Variants in CDH3 observed in about 807,000 individuals in gnomAD.
CDH3 encodes the protein cadherin-3.
In CDH3, 54 loss-of-function variants were observed where a neutral mutation model predicts 82.0. That is an observed-to-expected ratio of 0.66 (90% CI 0.53 to 0.83). The LOEUF (loss-of-function observed/expected upper bound fraction) is 0.83. Ranked by LOEUF, CDH3 falls within the 40% of genes least tolerant of loss-of-function variation. The probability of loss-of-function intolerance (pLI) is 0.00; values close to 1 mark genes in which losing one functional copy is unlikely to be tolerated. For missense variants in CDH3, 1,054 were observed against 1,084.6 expected (o/e 0.97, Z 0.40); for synonymous variants, 446 against 437.9 (o/e 1.02, Z -0.23).
intron 11 of CDH3, 133 bp downstream of exon 11, chr16:68,685,483 C>A: frequency 1.1e-6 from 1 of 917,374 alleles, no homozygotes; most frequent in Non-Finnish European, 1.7e-6. Context: ...TCCAGACGGT[C>A]AAAGGGGTCT....
intron 1 of CDH3, among the ~76,000 whole-genome samples, chr16:68,716,887 AT>A (rs1157497529): frequency 2.1e-5 from 3 of 144,840 alleles, no homozygotes; most frequent in Admixed American, 7.0e-5. Flanking sequence ...CCATGCCCAG[AT>A]TTTTTTCTTT....
At position 68,684,734 on chromosome 16, in the gene CDH3, A is replaced by C; in HGVS notation, c.1334A>C (p.Lys445Thr). The change falls in exon 10 of 16, where the codon AAA becomes ACA. Residue 445 changes from lysine (K) to threonine (T), a missense_variant. Physicochemically the swap from Lys to Thr is moderately conservative, Grantham distance 78. Transcript: ENST00000264012. The part of the protein sequence containing the change: ...NEAPVFVPPS[K>T]VVEVQEGIPT... ...GCACCTGTGTTTGTCCCACCCTCCA[A>C]AGTCGTTGAGGTCCAGGAGGGCATC... is the stretch of plus-strand genomic sequence containing the variant. 6.2e-7 allele frequency: 1 copy of C among 1,614,058 alleles called. No individual in the cohort carries two copies. The highest frequency in any genetic ancestry group is 8.5e-7 in the Non-Finnish European group (1 of 1,180,000).
chr16:68,730,001 G>A (rs28844617), downstream of CDH3, among the ~76,000 whole-genome samples: 11 of 152,090 alleles, frequency 7.2e-5, no homozygotes, highest in Non-Finnish European at 1.2e-4. Flanking sequence ...TTGGGAGGCC[G>A]AGGCGGGTGG....
At chr16:68,696,072 T>A in intron 15 of CDH3, 149 bp downstream of exon 15, 1 of 815,874 alleles carries the variant, frequency 1.2e-6, no homozygotes, top group Non-Finnish European at 2.0e-6. Context: ...CTTATTTGAG[T>A]AACTTCTGGG....
rs553007493 is a variant in CDH3 at position 68,721,530 on chromosome 16, G to A, written c.100-895G>A. Among the ~76,000 whole-genome samples the A allele has an allele frequency of 2.6e-5, 4 of 152,112 alleles. No homozygotes were observed. In the East Asian group the frequency reaches 7.7e-4, roughly 29 times the overall value. On this transcript the variant is annotated intron_variant, in intron 1 of 2. Coordinates refer to the CDH3 transcript ENST00000569080. Reference sequence around the variant, plus strand: ...ATTAAAGGCATGAGCCACCGCACCCGGCCACAGTTCAGTCTTTTAACTGCG... The same window carrying A: ...ATTAAAGGCATGAGCCACCGCACCCAGCCACAGTTCAGTCTTTTAACTGCG...
intron 2 of CDH3, among the ~76,000 whole-genome samples, chr16:68,648,126 C>T (rs1246227534): frequency 6.6e-6 from 1 of 152,166 alleles, no homozygotes; most frequent in Non-Finnish European, 1.5e-5. Flanking sequence ...GAATTTTGAA[C>T]TTCAGAAACC....
downstream of CDH3, among the ~76,000 whole-genome samples, chr16:68,732,204 C>T (rs1962300247): frequency 6.6e-6 from 1 of 152,084 alleles, no homozygotes; most frequent in Admixed American, 6.5e-5. Flanking sequence ...AGGAAGGGAG[C>T]CTCCTCTACC....
intron 2 of CDH3, among the ~76,000 whole-genome samples, chr16:68,668,769 G>C (rs1419102661): frequency 6.6e-6 from 1 of 152,180 alleles, no homozygotes; most frequent in African/African-American, 2.4e-5. Flanking sequence ...CCCACTTTGA[G>C]AGAGAATTTT....
chr16:68,676,435 G>A lies in CDH3; in HGVS notation c.211G>A (p.Asp71Asn). 1 of 1,614,016 alleles carries A rather than the reference G, an allele frequency of 6.2e-7. No homozygotes were observed. The highest frequency in any genetic ancestry group is 8.5e-7 in the Non-Finnish European group (1 of 1,179,882). ...QEPALFSTDN[D>N]DFTVRNGETV... ...GCCAGCTCTGTTTAGCACTGATAAT[G>A]ATGACTTCACTGTGCGGAATGGCGA... is the stretch of plus-strand genomic sequence containing the variant. The change falls in exon 3 of 16, where the codon GAT (aspartate) becomes AAT (asparagine). Residue 71 changes from aspartate to asparagine, a missense_variant. Asp to Asn is a conservative substitution (Grantham distance 23, BLOSUM62 1). Transcript: ENST00000264012.
intron 11 of CDH3, chr16:68,686,384 A>G (rs532966671): frequency 8.0e-6 from 10 of 1,256,826 alleles, no homozygotes; most frequent in East Asian, 6.9e-5. Flanking sequence ...GAGTCATGGC[A>G]GGACAAGCAT....
chr16:68,690,393 G>A (rs1268582399), intron 12 of CDH3, among the ~76,000 whole-genome samples: 3 of 151,824 alleles, frequency 2.0e-5, no homozygotes, highest in Admixed American at 2.0e-4. Flanking sequence ...GCCGAGGTGG[G>A]GCAGATCACC....
intron 2 of CDH3, among the ~76,000 whole-genome samples, chr16:68,649,988 C>G (rs1437399756): frequency 6.6e-6 from 1 of 151,852 alleles, no homozygotes; most frequent in Non-Finnish European, 1.5e-5. Flanking sequence ...AAGCCAAGAT[C>G]ACGCCACTGT....
At chr16:68,682,149 G>T (rs552975581) in intron 8 of CDH3, among the ~76,000 whole-genome samples, 153 bp from the exon 9 acceptor site, 3 of 152,142 alleles carry the variant, frequency 2.0e-5, no homozygotes, top group African/African-American at 7.2e-5. Context: ...ACATCCTGCC[G>T]CTGTGTATAC....
intron 12 of CDH3, among the ~76,000 whole-genome samples, chr16:68,689,722 C>CA (rs1961512726): frequency 6.6e-6 from 1 of 151,876 alleles, no homozygotes; most frequent in Admixed American, 6.6e-5. Context: ...TGCCTCCTGG[C>CA]ACTAAATGGG....
intron 7 of CDH3, 142 bp from the exon 8 acceptor site, chr16:68,680,826 G>A (rs369908277): frequency 3.5e-6 from 3 of 864,516 alleles, no homozygotes; most frequent in Non-Finnish European, 5.8e-6. Flanking sequence ...CAGTGGGTGA[G>A]GGGTGGTCAA....
chr16:68,647,473 C>T (rs1311247023), intron 2 of CDH3, among the ~76,000 whole-genome samples: 1 of 152,072 alleles, frequency 6.6e-6, no homozygotes, highest in African/African-American at 2.4e-5. Context: ...GCATTTTAAA[C>T]CTTTAGAGGA....
At chr16:68,653,028 G>T (rs933699389) in intron 2 of CDH3, among the ~76,000 whole-genome samples, 2 of 152,018 alleles carry the variant, frequency 1.3e-5, no homozygotes, top group Non-Finnish European at 2.9e-5. Context: ...ACAATTGCTG[G>T]GTTAACTGAT....
chr16:68,713,791 T>A (rs1387234694), intron 1 of CDH3, among the ~76,000 whole-genome samples: 1 of 152,132 alleles, frequency 6.6e-6, no homozygotes, highest in Non-Finnish European at 1.5e-5. Flanking sequence ...ACAGCCACAC[T>A]GGGCAATGCA....
chr16:68,685,432 CAG>C lies in CDH3; in HGVS notation c.1570+83_1570+84del, dbSNP rs1006330466. ...GACACAGCACAGCATGTTTCCTCCA[CAG>C]GTGGGAACATGTGTCGAGGAGGGCT... On this transcript the variant is annotated intron_variant, in intron 11 of 15. Coordinates refer to ENST00000264012, the MANE Select transcript of CDH3 (RefSeq NM_001793.6). 32 of 1,432,484 alleles carry C rather than the reference CAG, an allele frequency of 2.2e-5. No homozygotes were observed. In the Admixed American group the frequency reaches 2.7e-4, roughly 12 times the overall value. The allele number at this position is 1,432,484 out of a possible 1,614,324, so 88.7% of individuals were successfully genotyped here. A position where few individuals can be genotyped will look rare whatever the true frequency, so the allele number is the denominator to read the frequency against.
Sources: gnomAD v4.1 joint callset for allele counts (sites outside exome capture counted in the v4.1 genomes callset) on GRCh38, gnomAD v4.1.1 for gene constraint, MANE v1.5 for transcripts, NCBI Gene and HGNC (gene_info 2026-07-23, HGNC 2026-07-21) for gene names.